Variants in RALYL observed in about 807,000 individuals in gnomAD.
RALYL encodes the protein RNA-binding Raly-like protein.
RALYL carries 29 observed loss-of-function variants against 35.1 expected under a neutral mutation model. That is an observed-to-expected ratio of 0.83 (90% CI 0.61 to 1.13). The LOEUF is 1.13. RALYL is among the 50% of genes most tolerant of loss of function. The pLI, the probability that RALYL is intolerant of heterozygous loss-of-function variation, is 0.00. For synonymous variants in RALYL, 120 were observed against 127.6 expected (o/e 0.94, Z 0.40); for missense variants, 359 against 360.4 (o/e 1.00, Z 0.03).
chr8:84,290,307 C>A (rs569617920), intron 1 of RALYL, among the ~76,000 whole-genome samples: 2 of 152,086 alleles, frequency 1.3e-5, no homozygotes, highest in Non-Finnish European at 2.9e-5. Context: ...TGTTTTCATG[C>A]GCGTCTGTGT....
At chr8:84,360,222 T>A (rs572919197) in intron 1 of RALYL, among the ~76,000 whole-genome samples, 1 of 152,334 alleles carries the variant, frequency 6.6e-6, no homozygotes, top group Non-Finnish European at 1.5e-5. Flanking sequence ...GAGTATCCTT[T>A]GAACTTTTTA....
At chr8:84,624,016 T>G (rs1822159493) in intron 2 of RALYL, among the ~76,000 whole-genome samples, 1 of 152,190 alleles carries the variant, frequency 6.6e-6, no homozygotes, top group Non-Finnish European at 1.5e-5. Flanking sequence ...TAAACAAGTC[T>G]TGACAGAAAA....
At chr8:84,411,430 A>T (rs2044092162) in intron 1 of RALYL, among the ~76,000 whole-genome samples, 1 of 151,754 alleles carries the variant, frequency 6.6e-6, no homozygotes, top group Non-Finnish European at 1.5e-5. Context: ...TACTGCTTCT[A>T]TTCCCTCTCC....
In RALYL at chr8:84,335,188, G is replaced by C. The variant is rs561535419; in HGVS notation, c.-24+150764G>C. 9.7e-4 allele frequency among the ~76,000 whole-genome samples: 148 copies of C among 152,226 alleles called. 1 individual carries two copies. Among genetic ancestry groups the C allele is most frequent in the Non-Finnish European group, 1.8e-3 (121 of 68,012 alleles). ...TAGTGGAACATCTCCACAGCCTTCA[G>C]AGATTCCTCACAAGAGCTTCTGGTT... On this transcript the variant is annotated intron_variant, in intron 1 of 8. Coordinates refer to ENST00000521268, the MANE Select transcript of RALYL (RefSeq NM_173848.7).
chr8:84,192,844 G>A (rs1586057673), intron 1 of RALYL, among the ~76,000 whole-genome samples: 2 of 139,752 alleles, frequency 1.4e-5, no homozygotes, highest in South Asian at 2.4e-4. Context: ...TGCCCAGCCC[G>A]CAACTGAATT....
At chr8:84,317,359 C>T (rs778576463) in intron 1 of RALYL, among the ~76,000 whole-genome samples, 2 of 152,120 alleles carry the variant, frequency 1.3e-5, no homozygotes, top group Non-Finnish European at 2.9e-5. Flanking sequence ...TCAGCAACTG[C>T]ATACAGATTT....
At position 84,597,939 on chromosome 8, in the gene RALYL, A is replaced by G. The variant is rs1399136269; in HGVS notation, c.256+68362A>G. On this transcript the variant is annotated intron_variant, in intron 2 of 8. Coordinates refer to ENST00000521268, the MANE Select transcript of RALYL (RefSeq NM_173848.7). ...ATCCCTGCTCTTAAGCACAAAGACT[A>G]TTGCATCATTTCTCGAATCAAAATA... Among the ~76,000 whole-genome samples, 2 of 152,130 alleles carry G rather than the reference A, an allele frequency of 1.3e-5. 1 individual carries two copies. The highest frequency in any genetic ancestry group is 1.3e-4 in the Admixed American group (2 of 15,262).
At chr8:84,822,145 T>C (rs975156052) in intron 4 of RALYL, among the ~76,000 whole-genome samples, 5 of 152,128 alleles carry the variant, frequency 3.3e-5, no homozygotes, top group East Asian at 3.8e-4. Context: ...ATGCAAGTGG[T>C]ATTTCAGTTA....
At chr8:84,908,748 G>C (rs997572430) in intron 8 of RALYL, among the ~76,000 whole-genome samples, 1 of 151,918 alleles carries the variant, frequency 6.6e-6, no homozygotes, top group Non-Finnish European at 1.5e-5. Flanking sequence ...CTAGCAGTTT[G>C]TGCATCTCCC....
intron 8 of RALYL, among the ~76,000 whole-genome samples, chr8:84,904,877 A>C (rs2135595759): frequency 6.6e-6 from 1 of 152,004 alleles, no homozygotes; most frequent in South Asian, 2.1e-4. Flanking sequence ...ATTCCACCCA[A>C]TTTTCTTATG....
intron 1 of RALYL, among the ~76,000 whole-genome samples, chr8:84,291,249 A>G (rs563904902): frequency 2.6e-5 from 4 of 152,326 alleles, no homozygotes; most frequent in African/African-American, 9.6e-5. Flanking sequence ...TCTTATTTAA[A>G]AAAGAAGCAC....
At chr8:84,527,157 A>C (rs1220044509) in intron 1 of RALYL, among the ~76,000 whole-genome samples, 1 of 152,244 alleles carries the variant, frequency 6.6e-6, no homozygotes, top group Non-Finnish European at 1.5e-5. Flanking sequence ...TTGTGAAGAA[A>C]ATTAGATATA....
intron 6 of RALYL, among the ~76,000 whole-genome samples, chr8:84,867,174 T>A (rs1433135875): frequency 6.6e-6 from 1 of 152,180 alleles, no homozygotes; most frequent in East Asian, 1.9e-4. Flanking sequence ...TCTCTTTGTG[T>A]GTCTTGTCTA....
chr8:84,794,925 G>A (rs912045988), intron 3 of RALYL, among the ~76,000 whole-genome samples: 18 of 152,196 alleles, frequency 1.2e-4, no homozygotes, highest in Non-Finnish European at 2.5e-4. Flanking sequence ...CAAAAGTCAT[G>A]AGTCTGAGTG....
chr8:84,348,330 C>T (rs1850233595), intron 1 of RALYL, among the ~76,000 whole-genome samples: 1 of 152,114 alleles, frequency 6.6e-6, no homozygotes, highest in Non-Finnish European at 1.5e-5. Context: ...AGTTTGCTGA[C>T]TGAGTAATGA....
At chr8:84,405,639 C>A (rs1364767843) in intron 1 of RALYL, among the ~76,000 whole-genome samples, 2 of 152,008 alleles carry the variant, frequency 1.3e-5, no homozygotes, top group East Asian at 3.9e-4. Context: ...GACACATATA[C>A]CCTCTCAAGA....
At position 84,347,460 on chromosome 8, in the gene RALYL, T is replaced by C. The variant is rs186693787; in HGVS notation, c.-24+163036T>C. 4.3e-4 allele frequency among the ~76,000 whole-genome samples: 66 copies of C among 152,204 alleles called. 2 individuals carry two copies. Among genetic ancestry groups the C allele is most frequent in the Admixed American group, 3.7e-3 (57 of 15,262 alleles). On this transcript the variant is annotated intron_variant, in intron 1 of 8. Transcript: ENST00000521268. ...CCTAATTACTGGCATCTTCCTTTTT[T>C]ATGTGCTTCTGCTTTCTCTGATTTT...
chr8:84,327,680 GAA>G (rs147645854), intron 1 of RALYL, among the ~76,000 whole-genome samples: 1 of 141,004 alleles, frequency 7.1e-6, no homozygotes. Flanking sequence ...GCCCTTCACA[GAA>G]AAAAAAAAAA....
intron 2 of RALYL, among the ~76,000 whole-genome samples, chr8:84,697,898 C>A (rs1264298165): frequency 2.0e-5 from 3 of 152,016 alleles, no homozygotes; most frequent in Non-Finnish European, 4.4e-5. Context: ...ATTGAAATCT[C>A]ACATATCAAA....
Sources: gnomAD v4.1 joint callset for allele counts (sites outside exome capture counted in the v4.1 genomes callset) on GRCh38, gnomAD v4.1.1 for gene constraint, MANE v1.5 for transcripts, NCBI Gene and HGNC (gene_info 2026-07-23, HGNC 2026-07-21) for gene names.